The following CDK8 variants were observed in gnomAD, a reference collection of about 807,000 sequenced individuals.
CDK8 encodes the protein cyclin dependent kinase 8, also known as cyclin-dependent kinase 8.
CDK8 carries 29 observed loss-of-function variants against 71.5 expected under a neutral mutation model. That is an observed-to-expected ratio of 0.41 (90% CI 0.30 to 0.55). The LOEUF is 0.55. Among genes scored for constraint, CDK8 ranks in the 20% least tolerant of loss-of-function variants. The pLI is 0.37. For missense variants in CDK8, 288 were observed against 572.6 expected, an observed-to-expected ratio of 0.50 and a Z score of 5.07; for synonymous variants, 161 against 192.1, an observed-to-expected ratio of 0.84 and a Z score of 1.34.
chr13:26,368,203 T>C (rs1874481445), intron 4 of CDK8, among the ~76,000 whole-genome samples: 1 of 152,226 alleles, frequency 6.6e-6, no homozygotes, highest in Admixed American at 6.5e-5. Context: ...ATGGTCTTGC[T>C]GCTCACCGTT....
intron 1 of CDK8, among the ~76,000 whole-genome samples, chr13:26,312,765 C>T (rs1247974323): frequency 1.3e-5 from 2 of 152,184 alleles, no homozygotes; most frequent in South Asian, 2.1e-4. Context: ...TCCTTGTGTG[C>T]CCTCTTGCTT....
chr13:26,304,532 A>G (rs1002911917), intron 1 of CDK8, among the ~76,000 whole-genome samples: 1 of 152,042 alleles, frequency 6.6e-6, no homozygotes, highest in Admixed American at 6.6e-5. Flanking sequence ...AGAGATTAAA[A>G]CATGCATTTT....
At chr13:26,348,021 G>T (rs888747146) in intron 2 of CDK8, among the ~76,000 whole-genome samples, 1 of 151,762 alleles carries the variant, frequency 6.6e-6, no homozygotes, top group South Asian at 2.1e-4. Context: ...ATAACCAGAG[G>T]TGAAAACAAT....
intron 1 of CDK8, among the ~76,000 whole-genome samples, chr13:26,273,161 T>C (rs910836283): frequency 1.3e-5 from 2 of 152,218 alleles, no homozygotes; most frequent in Non-Finnish European, 2.9e-5. Flanking sequence ...TATACAGTTG[T>C]CCCAGCCTCT....
intron 4 of CDK8, among the ~76,000 whole-genome samples, chr13:26,361,697 C>A (rs1450052223): frequency 6.7e-6 from 1 of 149,774 alleles, no homozygotes; most frequent in Non-Finnish European, 1.5e-5. Flanking sequence ...AGTTGGAGAT[C>A]ATCTCTAATT....
chr13:26,391,363 TC>T (rs751407873), intron 6 of CDK8, among the ~76,000 whole-genome samples: 54 of 152,336 alleles, frequency 3.5e-4, no homozygotes, highest in Admixed American at 1.6e-3. Context: ...CGCCTCAGCC[TC>T]CTGAGTAGCT....
intron 1 of CDK8, among the ~76,000 whole-genome samples, chr13:26,321,908 A>T (rs1391480542): frequency 3.9e-5 from 6 of 152,266 alleles, no homozygotes; most frequent in Middle Eastern, 6.8e-3. Context: ...CCTATTATAC[A>T]TACTTAGAGA....
At chr13:26,312,723 CAG>C (rs1874345313) in intron 1 of CDK8, among the ~76,000 whole-genome samples, 2 of 152,206 alleles carry the variant, frequency 1.3e-5, no homozygotes. Flanking sequence ...ATTCCGGGCA[CAG>C]AGGGGTGTCT....
chr13:26,317,135 G>A (rs887518083), intron 1 of CDK8, among the ~76,000 whole-genome samples: 1 of 152,156 alleles, frequency 6.6e-6, no homozygotes, highest in Non-Finnish European at 1.5e-5. Context: ...ACCAACGTAC[G>A]CATTGTGGGA....
intron 4 of CDK8, among the ~76,000 whole-genome samples, chr13:26,379,340 A>AT (rs1057251547): frequency 2.6e-5 from 4 of 152,142 alleles, no homozygotes; most frequent in Admixed American, 2.0e-4. Context: ...TAGCAAAGTA[A>AT]TTTTTTAATT....
intron 1 of CDK8, among the ~76,000 whole-genome samples, chr13:26,271,876 A>G (rs965110886): frequency 3.2e-5 from 4 of 123,610 alleles, no homozygotes; most frequent in African/African-American, 1.3e-4. Flanking sequence ...ATACCTGTGT[A>G]GGGTACTTAC....
intron 5 of CDK8, among the ~76,000 whole-genome samples, chr13:26,384,612 A>G (rs957075869): frequency 6.6e-6 from 1 of 152,208 alleles, no homozygotes; most frequent in African/African-American, 2.4e-5. Context: ...ACCTTTGTCA[A>G]ATCACCTAAC....
Position 26,386,945 on chromosome 13 carries a change from A to G in CDK8, c.646+1603A>G, listed in dbSNP as rs368267129. On this transcript the variant is annotated intron_variant, in intron 6 of 12. Transcript: ENST00000381527. ...TGGGCACACTCAATCTGAAGTTCAT[A>G]TCTTGTATCTGTGGGAAATTCTCTT... Among the ~76,000 whole-genome samples, 30 of 152,290 alleles carry G rather than the reference A, an allele frequency of 2.0e-4. No individual in the cohort carries two copies. The East Asian group carries it at 4.6e-3, about 24-fold the overall frequency.
At chr13:26,354,795 G>A (rs1873824686) in intron 4 of CDK8, among the ~76,000 whole-genome samples, 1 of 152,150 alleles carries the variant, frequency 6.6e-6, no homozygotes, top group Non-Finnish European at 1.5e-5. Flanking sequence ...ATGCCAAAAA[G>A]GTTGGGGACT....
At chr13:26,343,859 TATTCTATA>T (rs1415523353) in intron 2 of CDK8, among the ~76,000 whole-genome samples, 1 of 152,198 alleles carries the variant, frequency 6.6e-6, no homozygotes, top group Non-Finnish European at 1.5e-5. Flanking sequence ...TTTGTATTCT[TATTCTATA>T]AGTTTTTTTC....
intron 1 of CDK8, among the ~76,000 whole-genome samples, chr13:26,270,216 C>G (rs1872238802): frequency 6.6e-6 from 1 of 151,920 alleles, no homozygotes; most frequent in Non-Finnish European, 1.5e-5. Flanking sequence ...ATGTGAAACC[C>G]TATCTCTACT....
intron 1 of CDK8, among the ~76,000 whole-genome samples, chr13:26,297,880 G>T (rs1873629070): frequency 6.6e-6 from 1 of 152,150 alleles, no homozygotes; most frequent in Non-Finnish European, 1.5e-5. Context: ...GTGCCAGCAT[G>T]ATTGGGTTCT....
chr13:26,262,407 T>C (rs1366233046), intron 1 of CDK8, among the ~76,000 whole-genome samples: 2 of 152,214 alleles, frequency 1.3e-5, no homozygotes, highest in East Asian at 1.9e-4. Context: ...TGTGTGTGTA[T>C]CTGAAATTCA....
intron 4 of CDK8, among the ~76,000 whole-genome samples, chr13:26,361,519 A>G (rs1874135428): frequency 6.6e-6 from 1 of 152,174 alleles, no homozygotes; most frequent in African/African-American, 2.4e-5. Flanking sequence ...CATCTAACAC[A>G]AAGCCTATTT....
Sources: allele counts gnomAD v4.1 joint callset (sites outside exome capture counted in the v4.1 genomes callset), GRCh38; gene constraint gnomAD v4.1.1; transcripts MANE v1.5; gene names NCBI Gene and HGNC (gene_info 2026-07-23, HGNC 2026-07-21).